Variants in EIF4G3 observed in about 807,000 individuals in gnomAD.
EIF4G3 encodes the protein eukaryotic translation initiation factor 4 gamma 3.
A neutral mutation model predicts 186.4 loss-of-function variants in EIF4G3; 34 were observed. The observed-to-expected ratio is 0.18, with a 90% confidence interval of 0.14 to 0.24. EIF4G3 has a LOEUF of 0.24. Among genes scored for constraint, EIF4G3 ranks in the 10% least tolerant of loss-of-function variants. The pLI is 1.00. For missense variants in EIF4G3, 1,536 were observed against 1,948.5 expected (o/e 0.79, Z 3.99); for synonymous variants, 673 against 679.5 (o/e 0.99, Z 0.15).
At chr1:20,974,010 C>CT (rs1352823208) in intron 10 of EIF4G3, among the ~76,000 whole-genome samples, 1 of 152,138 alleles carries the variant, frequency 6.6e-6, no homozygotes, top group African/African-American at 2.4e-5. Flanking sequence ...AAGGAAAACT[C>CT]TTTCAGTTTT....
chr1:20,912,729 T>C (rs2093397264), intron 14 of EIF4G3, among the ~76,000 whole-genome samples: 1 of 152,034 alleles, frequency 6.6e-6, no homozygotes. Context: ...ATTTTGACAA[T>C]TTTTACTTTT....
intron 27 of EIF4G3, among the ~76,000 whole-genome samples, chr1:20,852,253 C>T (rs1393195134): frequency 5.9e-5 from 9 of 152,074 alleles, no homozygotes; most frequent in African/African-American, 2.2e-4. Flanking sequence ...CTGCCCACCT[C>T]GGCCTCCCAA....
chr1:20,867,361 C>T (rs1046657446), intron 20 of EIF4G3, among the ~76,000 whole-genome samples: 1 of 152,132 alleles, frequency 6.6e-6, no homozygotes, highest in Non-Finnish European at 1.5e-5. Context: ...GAACCTCAGC[C>T]CCTACACCTG....
At chr1:21,166,123 C>CTTTTTTTTTTTTTTTTTTTTTT (rs1573668577) in intron 2 of EIF4G3, among the ~76,000 whole-genome samples, 11 of 105,542 alleles carry the variant, frequency 1.0e-4, no homozygotes, top group East Asian at 4.7e-4. Flanking sequence ...CTTTTTTTTC[C>CTTTTTTTTTTTTTTTTTTTTTT]TTTTAAAAAT....
At chr1:20,889,651 C>T (rs1488267690) in intron 18 of EIF4G3, among the ~76,000 whole-genome samples, 12 of 152,190 alleles carry the variant, frequency 7.9e-5, no homozygotes, top group Admixed American at 3.9e-4. Context: ...CCACCACACC[C>T]GGCTAATTTT....
chr1:21,168,559 A>T (rs1471470382), intron 2 of EIF4G3, among the ~76,000 whole-genome samples: 1 of 151,804 alleles, frequency 6.6e-6, no homozygotes, highest in Non-Finnish European at 1.5e-5. Flanking sequence ...AGTAGCAGGG[A>T]CTACAGGCAT....
chr1:21,144,900 C>T (rs951625618), intron 2 of EIF4G3, among the ~76,000 whole-genome samples: 1 of 152,130 alleles, frequency 6.6e-6, no homozygotes, highest in Non-Finnish European at 1.5e-5. Context: ...AGAGGTAACG[C>T]ACGTACTGAT....
chr1:21,011,206 T>C (rs1376431475), intron 4 of EIF4G3, among the ~76,000 whole-genome samples: 2 of 149,946 alleles, frequency 1.3e-5, no homozygotes. Flanking sequence ...TTAAACTTTT[T>C]TTTAAAAAAA....
At chr1:20,929,891 G>T (rs987144310) in intron 14 of EIF4G3, among the ~76,000 whole-genome samples, 7 of 152,128 alleles carry the variant, frequency 4.6e-5, no homozygotes, top group Non-Finnish European at 1.0e-4. Context: ...ACTACATTCA[G>T]ATCCTATGCC....
intron 19 of EIF4G3, among the ~76,000 whole-genome samples, chr1:20,882,636 A>G (rs1424839243): frequency 6.6e-6 from 1 of 151,208 alleles, no homozygotes; most frequent in African/African-American, 2.4e-5. Context: ...AAAACAAAAA[A>G]AAACAAAAAA....
intron 14 of EIF4G3, among the ~76,000 whole-genome samples, chr1:20,911,251 G>GC (rs1202300566): frequency 4.6e-5 from 7 of 152,038 alleles, no homozygotes; most frequent in African/African-American, 1.2e-4. Context: ...ACCAAAAATA[G>GC]CATCATTCCA....
chr1:20,894,483 T>C (rs1470888158), intron 17 of EIF4G3, among the ~76,000 whole-genome samples: 1 of 152,192 alleles, frequency 6.6e-6, no homozygotes, highest in African/African-American at 2.4e-5. Flanking sequence ...ATAGTATAAA[T>C]GAGTTCTGGA....
intron 36 of EIF4G3, among the ~76,000 whole-genome samples, chr1:20,808,173 C>A (rs2058480029): frequency 6.6e-6 from 1 of 151,958 alleles, no homozygotes; most frequent in East Asian, 1.9e-4. Flanking sequence ...CGTGAGCCAC[C>A]GTGCCCGGCC....
intron 7 of EIF4G3, among the ~76,000 whole-genome samples, chr1:20,996,755 A>G (rs1336711542): frequency 1.3e-5 from 2 of 152,194 alleles, no homozygotes; most frequent in South Asian, 2.1e-4. Context: ...TCCATTTTAC[A>G]TATGAGGAAA....
intron 3 of EIF4G3, among the ~76,000 whole-genome samples, chr1:21,051,585 C>A (rs1305174392): frequency 2.0e-5 from 3 of 152,194 alleles, no homozygotes; most frequent in African/African-American, 7.2e-5. Context: ...GATGCTGTGG[C>A]TTATGCCTGT....
chr1:21,150,242 G>A (rs917544056), intron 2 of EIF4G3, among the ~76,000 whole-genome samples: 5 of 152,098 alleles, frequency 3.3e-5, no homozygotes, highest in East Asian at 1.9e-4. Flanking sequence ...AAGCCAGGAC[G>A]GCAAGGACAA....
At chr1:21,041,995 T>C (rs1018915289) in intron 4 of EIF4G3, among the ~76,000 whole-genome samples, 20 of 151,926 alleles carry the variant, frequency 1.3e-4, no homozygotes, top group African/African-American at 4.6e-4. Flanking sequence ...TTTTCTTTTT[T>C]TTTTTTTTGG....
intron 2 of EIF4G3, among the ~76,000 whole-genome samples, chr1:21,092,545 T>G (rs1219562102): frequency 1.3e-5 from 2 of 152,102 alleles, no homozygotes; most frequent in African/African-American, 2.4e-5. Context: ...TATAGATTCA[T>G]TGCCATCCCC....
chr1:20,969,906 A>G (rs988051863), intron 11 of EIF4G3, among the ~76,000 whole-genome samples: 2 of 152,094 alleles, frequency 1.3e-5, no homozygotes, highest in Non-Finnish European at 2.9e-5. Flanking sequence ...TACCATATTT[A>G]ACATACAAGT....
Sources: gnomAD v4.1 joint callset for allele counts (sites outside exome capture counted in the v4.1 genomes callset) on GRCh38, gnomAD v4.1.1 for gene constraint, MANE v1.5 for transcripts, NCBI Gene and HGNC (gene_info 2026-07-23, HGNC 2026-07-21) for gene names.